Variants in LHFPL3 observed in about 807,000 individuals in gnomAD.
LHFPL3 encodes LHFPL tetraspan subfamily member 3 protein.
Under a neutral mutation model 19.3 loss-of-function variants are expected in LHFPL3, and 5 were observed. That is an observed-to-expected ratio of 0.26 (90% CI 0.14 to 0.54). The LOEUF (loss-of-function observed/expected upper bound fraction) is 0.54. LHFPL3 is among the 20% of genes least tolerant of loss of function. The pLI is 0.94. For synonymous variants in LHFPL3, 133 were observed against 126.2 expected (o/e 1.05, Z -0.36); for missense variants, 249 against 307.4 (o/e 0.81, Z 1.42).
chr7:104,616,456 T>C (rs1162441276), intron 1 of LHFPL3, among the ~76,000 whole-genome samples: 2 of 151,842 alleles, frequency 1.3e-5, no homozygotes, highest in African/African-American at 2.4e-5. Flanking sequence ...TGAAACTGGA[T>C]CCCTTCCTTA....
chr7:104,499,099 T>C (rs1175355998), intron 1 of LHFPL3, among the ~76,000 whole-genome samples: 1 of 152,164 alleles, frequency 6.6e-6, no homozygotes, highest in African/African-American at 2.4e-5. Context: ...AATGGCACAG[T>C]ATATGACTTT....
intron 1 of LHFPL3, among the ~76,000 whole-genome samples, chr7:104,503,981 G>A (rs905253352): frequency 1.3e-5 from 2 of 152,060 alleles, no homozygotes; most frequent in Admixed American, 1.3e-4. Context: ...TGGTTGATAT[G>A]GAAAATAACT....
At chr7:104,568,013 G>A (rs533768488) in intron 1 of LHFPL3, among the ~76,000 whole-genome samples, 4 of 152,306 alleles carry the variant, frequency 2.6e-5, no homozygotes, top group East Asian at 1.9e-4. Flanking sequence ...GTTCAAAGAT[G>A]TCAGAGCTGG....
chr7:104,659,621 A>G (rs1053572729), intron 1 of LHFPL3, among the ~76,000 whole-genome samples: 1 of 152,216 alleles, frequency 6.6e-6, no homozygotes, highest in Non-Finnish European at 1.5e-5. Context: ...CACAGACTGA[A>G]GAAACTACTT....
At chr7:104,616,720 A>G (rs1791350550) in intron 1 of LHFPL3, among the ~76,000 whole-genome samples, 1 of 152,112 alleles carries the variant, frequency 6.6e-6, no homozygotes, top group African/African-American at 2.4e-5. Flanking sequence ...ATGGGAGAAA[A>G]TTTTTCCATT....
At chr7:104,734,487 AC>A (rs1189850150) in intron 1 of LHFPL3, among the ~76,000 whole-genome samples, 1 of 152,166 alleles carries the variant, frequency 6.6e-6, no homozygotes, top group Non-Finnish European at 1.5e-5. Context: ...AATCACTGAT[AC>A]CCTTTCTTCC....
chr7:104,729,570 T>C (rs868214185), intron 1 of LHFPL3, among the ~76,000 whole-genome samples: 5 of 152,114 alleles, frequency 3.3e-5, no homozygotes, highest in Non-Finnish European at 4.4e-5. Flanking sequence ...TTTACTCCAC[T>C]TCTATGAGAT....
At chr7:104,775,096 A>G (rs962195940) in intron 2 of LHFPL3, among the ~76,000 whole-genome samples, 1 of 152,212 alleles carries the variant, frequency 6.6e-6, no homozygotes, top group Non-Finnish European at 1.5e-5. Flanking sequence ...TATGTTTGAC[A>G]ATTAAATATA....
At chr7:104,351,510 A>G (rs1562872125) in intron 1 of LHFPL3, among the ~76,000 whole-genome samples, 1 of 152,210 alleles carries the variant, frequency 6.6e-6, no homozygotes, top group Non-Finnish European at 1.5e-5. Flanking sequence ...AACAGAAACT[A>G]GCCTCCTAGA....
At chr7:104,604,211 G>T (rs1017012560) in intron 1 of LHFPL3, among the ~76,000 whole-genome samples, 2 of 152,188 alleles carry the variant, frequency 1.3e-5, no homozygotes, top group African/African-American at 2.4e-5. Context: ...GTCACTACTT[G>T]CACCCTCTGT....
rs577720983 is a variant in LHFPL3 at position 104,434,162 on chromosome 7, A to G, written c.445+104938A>G. Among the ~76,000 whole-genome samples, 11 of 152,358 alleles carry G rather than the reference A, an allele frequency of 7.2e-5. No individual in the cohort carries two copies. In the East Asian group the frequency reaches 2.1e-3, roughly 29 times the overall value. On this transcript the variant is annotated intron_variant, in intron 1 of 2. Coordinates refer to ENST00000424859, the MANE Select transcript of LHFPL3 (RefSeq NM_199000.3). ...TATATGCTGTGGACTGACTTATTCA[A>G]TGGTTACAGAGGACTAACTCCCCTT...
chr7:104,607,074 A>T (rs1477138210), intron 1 of LHFPL3, among the ~76,000 whole-genome samples: 1 of 152,248 alleles, frequency 6.6e-6, no homozygotes, highest in Non-Finnish European at 1.5e-5. Flanking sequence ...GGGATAATAG[A>T]AACTATGCCT....
chr7:104,428,692 T>G lies in LHFPL3; in HGVS notation c.445+99468T>G, dbSNP rs10259622. ...ATCACTTAGGATTTATAAAATAACT[T>G]GAAAACTCTAGAAACTATTTTACTT... On this transcript the variant is annotated intron_variant, in intron 1 of 2. Coordinates refer to ENST00000424859, the MANE Select transcript of LHFPL3 (RefSeq NM_199000.3). 9.5e-3 allele frequency among the ~76,000 whole-genome samples: 1,442 copies of G among 152,330 alleles called. 35 individuals carry two copies. The highest frequency in any genetic ancestry group is 0.032 in the African/African-American group (1,346 of 41,584).
intron 2 of LHFPL3, among the ~76,000 whole-genome samples, chr7:104,773,922 A>C (rs1429291233): frequency 1.3e-5 from 2 of 152,240 alleles, no homozygotes; most frequent in African/African-American, 4.8e-5. Flanking sequence ...ATACATGCCT[A>C]TTGTTTAAGC....
In LHFPL3 at chr7:104,828,835, G is replaced by T. The variant is rs1282329540; in HGVS notation, c.683-77352G>T. 1.3e-5 allele frequency among the ~76,000 whole-genome samples: 2 copies of T among 151,780 alleles called. 1 individual carries two copies. Among genetic ancestry groups the T allele is most frequent in the African/African-American group, 4.9e-5 (2 of 41,156 alleles). On this transcript the variant is annotated intron_variant, in intron 2 of 2. Transcript: ENST00000424859. ...GGATCACTTGAGGTCAGGAGTTCGA[G>T]ACCAGCCTGGCCAACATGGTGAAAC...
intron 1 of LHFPL3, among the ~76,000 whole-genome samples, chr7:104,613,995 CT>C (rs1219232227): frequency 6.6e-6 from 1 of 152,018 alleles, no homozygotes; most frequent in Non-Finnish European, 1.5e-5. Flanking sequence ...GGGGCAGTGT[CT>C]TTTCTAATGA....
At position 104,709,214 on chromosome 7, in the gene LHFPL3, ATTTTTTTATT is replaced by A. The variant is rs56936368; in HGVS notation, c.446-27446_446-27437del. 4.7e-3 allele frequency among the ~76,000 whole-genome samples: 699 copies of A among 148,396 alleles called. 31 individuals carry two copies. The East Asian group carries it at 0.1, about 22-fold the overall frequency. On this transcript the variant is annotated intron_variant, in intron 1 of 2. Transcript: ENST00000424859. Reference sequence around the variant, plus strand: ...TTTTATTATCCACAATTTCATTTTTATTTTTTTATTTTTTTTTATTTTTTATCTTTAGTAT... The same window carrying A: ...TTTTATTATCCACAATTTCATTTTTATTTTTTTATTTTTTATCTTTAGTAT...
chr7:104,348,014 G>A (rs145401088), intron 1 of LHFPL3, among the ~76,000 whole-genome samples: 1 of 152,272 alleles, frequency 6.6e-6, no homozygotes, highest in Admixed American at 6.5e-5. Flanking sequence ...ATAGAGAAAG[G>A]GTTAACATAC....
At chr7:104,625,158 T>G (rs776233317) in intron 1 of LHFPL3, among the ~76,000 whole-genome samples, 2 of 152,248 alleles carry the variant, frequency 1.3e-5, no homozygotes, top group Non-Finnish European at 2.9e-5. Context: ...GTCCTTGCAT[T>G]CAGTGCCCAC....
Sources: allele counts gnomAD v4.1 joint callset (sites outside exome capture counted in the v4.1 genomes callset), GRCh38; gene constraint gnomAD v4.1.1; transcripts MANE v1.5; gene names NCBI Gene and HGNC (gene_info 2026-07-23, HGNC 2026-07-21).